Variants in PCBP3 observed in about 807,000 individuals in gnomAD.
PCBP3 encodes poly(rC)-binding protein 3.
PCBP3 carries 25 observed loss-of-function variants against 52.7 expected under a neutral mutation model. That is an observed-to-expected ratio of 0.47 (90% CI 0.35 to 0.66). The LOEUF (loss-of-function observed/expected upper bound fraction) is 0.66, where lower values mean the gene tolerates loss of function less well. Among genes scored for constraint, PCBP3 ranks in the 30% least tolerant of loss-of-function variants. The pLI is 0.01. For missense variants in PCBP3, 391 were observed against 490.3 expected (o/e 0.80, Z 1.91); for synonymous variants, 162 against 183.0 (o/e 0.89, Z 0.93).
At chr21:45,660,381 A>G (rs1398880743) in intron 1 of PCBP3, among the ~76,000 whole-genome samples, 1 of 152,278 alleles carries the variant, frequency 6.6e-6, no homozygotes, top group South Asian at 2.1e-4. Context: ...CTTGTATACT[A>G]CATATAACTG....
chr21:45,797,711 G>A (rs2092026742), intron 4 of PCBP3, among the ~76,000 whole-genome samples: 1 of 148,474 alleles, frequency 6.7e-6, no homozygotes, highest in Non-Finnish European at 1.5e-5. Flanking sequence ...GATCCACAGA[G>A]AGTGAATGCA....
intron 1 of PCBP3, among the ~76,000 whole-genome samples, chr21:45,650,517 C>T (rs2079609017): frequency 1.3e-5 from 2 of 152,054 alleles, no homozygotes; most frequent in Non-Finnish European, 2.9e-5. Flanking sequence ...GTGGTGCTAT[C>T]ATATCCTACT....
intron 9 of PCBP3, among the ~76,000 whole-genome samples, chr21:45,903,165 A>G (rs186725745): frequency 1.5e-4 from 23 of 152,234 alleles, no homozygotes; most frequent in African/African-American, 5.1e-4. Flanking sequence ...TGGTGGAGGC[A>G]TATGGAGACT....
intron 2 of PCBP3, among the ~76,000 whole-genome samples, chr21:45,681,227 G>A (rs1271281093): frequency 6.6e-6 from 1 of 152,184 alleles, no homozygotes; most frequent in Non-Finnish European, 1.5e-5. Context: ...GACCATAGCA[G>A]CCTCTATTTC....
intron 9 of PCBP3, among the ~76,000 whole-genome samples, chr21:45,905,327 G>A (rs917990321): frequency 2.6e-5 from 4 of 152,144 alleles, no homozygotes; most frequent in Admixed American, 2.0e-4. Flanking sequence ...CTCAGCACCC[G>A]GCCCACGTAG....
At chr21:45,745,083 C>T (rs755096442) in intron 3 of PCBP3, among the ~76,000 whole-genome samples, 2 of 152,056 alleles carry the variant, frequency 1.3e-5, no homozygotes, top group Non-Finnish European at 2.9e-5. Context: ...AGAAGGTGCC[C>T]AGAGGGACCC....
intron 5 of PCBP3, among the ~76,000 whole-genome samples, chr21:45,884,495 A>G (rs1205552056): frequency 6.6e-6 from 1 of 152,246 alleles, no homozygotes; most frequent in African/African-American, 2.4e-5. Context: ...ATGTATACAT[A>G]CACATATATA....
At chr21:45,726,384 C>G (rs917513567) in intron 2 of PCBP3, among the ~76,000 whole-genome samples, 1 of 152,106 alleles carries the variant, frequency 6.6e-6, no homozygotes, top group Admixed American at 6.5e-5. Context: ...AGCAGAGGTC[C>G]AGGCCCAACA....
chr21:45,722,228 G>T (rs2084700405), intron 2 of PCBP3, among the ~76,000 whole-genome samples: 1 of 152,138 alleles, frequency 6.6e-6, no homozygotes, highest in Non-Finnish European at 1.5e-5. Context: ...CAGTATACTG[G>T]CACCTAAGTC....
intron 11 of PCBP3, 128 bp downstream of exon 11, chr21:45,911,158 C>T (rs2096383044): frequency 1.8e-6 from 2 of 1,103,666 alleles, no homozygotes; most frequent in Non-Finnish European, 2.7e-6. Context: ...GGGCTCCTGA[C>T]CCCAAGTCAG....
At chr21:45,835,272 G>C (rs2093556786) in intron 4 of PCBP3, among the ~76,000 whole-genome samples, 1 of 152,134 alleles carries the variant, frequency 6.6e-6, no homozygotes. Flanking sequence ...TCATGCCCCG[G>C]GACCTGCCTG....
intron 4 of PCBP3, among the ~76,000 whole-genome samples, chr21:45,794,626 A>C (rs1298814652): frequency 6.6e-6 from 1 of 152,224 alleles, no homozygotes; most frequent in African/African-American, 2.4e-5. Flanking sequence ...CAGACCTCAG[A>C]TTGTCTTAAA....
chr21:45,687,062 A>G (rs2082195808), intron 2 of PCBP3, among the ~76,000 whole-genome samples: 2 of 152,212 alleles, frequency 1.3e-5, no homozygotes, highest in African/African-American at 2.4e-5. Flanking sequence ...AAAGATAAAG[A>G]AAACCATATT....
In PCBP3 at chr21:45,918,464, CA is replaced by C; in HGVS notation, c.717+836del. On this transcript the variant is annotated intron_variant, in intron 13 of 17. Coordinates refer to ENST00000681687, the MANE Select transcript of PCBP3 (RefSeq NM_001384156.1). ...CAGTGCTGGAGGAAGAAGTTACTCT[CA>C]GATAAACGGTCGGTGTAATTCCAGT... is the stretch of plus-strand genomic sequence containing the variant. 2 of 72,482 alleles carry C rather than the reference CA, an allele frequency of 2.8e-5. 1 individual carries two copies. The highest frequency in any genetic ancestry group is 4.6e-4 in the East Asian group (2 of 4,336). The allele number at this position is 72,482 out of a possible 1,614,324, so 4.5% of individuals were successfully genotyped here. A position where few individuals can be genotyped will look rare whatever the true frequency, so the allele number is the denominator to read the frequency against.
chr21:45,910,611 GAA>G (rs1301448778), intron 10 of PCBP3, among the ~76,000 whole-genome samples: 1 of 152,178 alleles, frequency 6.6e-6, no homozygotes, highest in Admixed American at 6.5e-5. Context: ...CCGTGTATTT[GAA>G]AAGAGTCGTT....
At chr21:45,762,720 GTGA>G (rs2088836273) in intron 4 of PCBP3, 1 of 152,146 alleles carries the variant, frequency 6.6e-6, no homozygotes, top group African/African-American at 2.4e-5. Context: ...CTGACCTCAA[GTGA>G]TCTACCTGCC....
At chr21:45,803,144 GT>G (rs918534819) in intron 4 of PCBP3, among the ~76,000 whole-genome samples, 35 of 152,314 alleles carry the variant, frequency 2.3e-4, no homozygotes, top group African/African-American at 8.2e-4. Flanking sequence ...CTGCAGCTGT[GT>G]GGGTGCGTCC....
intron 1 of PCBP3, among the ~76,000 whole-genome samples, chr21:45,644,517 T>TG (rs1267682446): frequency 1.3e-5 from 2 of 151,744 alleles, no homozygotes; most frequent in Non-Finnish European, 2.9e-5. Flanking sequence ...TTTTTTCTTT[T>TG]TTTTGCCTGG....
intron 2 of PCBP3, among the ~76,000 whole-genome samples, chr21:45,712,603 AC>A (rs1019081560): frequency 1.3e-5 from 2 of 152,096 alleles, no homozygotes; most frequent in African/African-American, 4.8e-5. Context: ...GACACTGTAC[AC>A]GTTGGTTTGT....
Sources: gnomAD v4.1 joint callset for allele counts (sites outside exome capture counted in the v4.1 genomes callset) on GRCh38, gnomAD v4.1.1 for gene constraint, MANE v1.5 for transcripts, NCBI Gene and HGNC (gene_info 2026-07-23, HGNC 2026-07-21) for gene names.